The following CNTNAP4 variants were observed in gnomAD, a reference collection of about 807,000 sequenced individuals.
CNTNAP4 encodes the protein contactin-associated protein-like 4.
Under a neutral mutation model 148.4 loss-of-function variants are expected in CNTNAP4, and 98 were observed. The ratio of observed to expected loss-of-function variants is 0.66; its 90% CI spans 0.56 to 0.78. The LOEUF is 0.78. Ranked by LOEUF, CNTNAP4 falls within the 30% of genes least tolerant of loss-of-function variation. The probability of loss-of-function intolerance (pLI) is 0.00; values close to 1 mark genes in which losing one functional copy is unlikely to be tolerated. For synonymous variants in CNTNAP4, 730 were observed against 565.1 expected, an observed-to-expected ratio of 1.29 and a Z score of -4.14; for missense variants, 1,935 against 1,565.6, an observed-to-expected ratio of 1.24 and a Z score of -3.98.
intron 1 of CNTNAP4, among the ~76,000 whole-genome samples, chr16:76,299,769 G>C (rs950348356): frequency 2.0e-5 from 3 of 152,136 alleles, no homozygotes; most frequent in African/African-American, 7.2e-5. Context: ...TGATAGACTG[G>C]ATTAAGAAAA....
chr16:76,453,547 G>T (rs2080603385), intron 8 of CNTNAP4, among the ~76,000 whole-genome samples: 1 of 152,020 alleles, frequency 6.6e-6, no homozygotes, highest in Non-Finnish European at 1.5e-5. Context: ...GCAACTAGAG[G>T]TTGCCTTGGG....
chr16:76,455,537 C>T (rs1399069290), intron 8 of CNTNAP4, among the ~76,000 whole-genome samples: 2 of 152,168 alleles, frequency 1.3e-5, no homozygotes, highest in Non-Finnish European at 2.9e-5. Context: ...GGGCTGTAAA[C>T]CTGTCACCCT....
At chr16:76,549,824 T>C (rs986568830) in intron 21 of CNTNAP4, among the ~76,000 whole-genome samples, 1 of 152,102 alleles carries the variant, frequency 6.6e-6, no homozygotes, top group African/African-American at 2.4e-5. Flanking sequence ...ATTTAGAGAA[T>C]ATATAGAGGA....
At chr16:76,424,405 TCTAAGATC>T (rs2079303894) in intron 3 of CNTNAP4, among the ~76,000 whole-genome samples, 1 of 152,114 alleles carries the variant, frequency 6.6e-6, no homozygotes, top group Non-Finnish European at 1.5e-5. Flanking sequence ...TATAAGAAGA[TCTAAGATC>T]CTCAACCAAA....
rs35407854 is a variant in CNTNAP4, at chr16:76,550,875, G to T, written c.3443-2408G>T. Among the ~76,000 whole-genome samples, 772 of 152,172 alleles carry T rather than the reference G, an allele frequency of 5.1e-3. 5 individuals carry two copies. Among genetic ancestry groups the T allele is most frequent in the Non-Finnish European group, 7.0e-3 (473 of 68,004 alleles). ...TTATGTTTGAGGAGCTCACAGTATC[G>T]TATGTAAGCAGCAGAGTGATGCTCC... On this transcript the variant is annotated intron_variant, in intron 21 of 23. Transcript: ENST00000611870.
At chr16:76,298,617 G>C (rs140644059) in intron 1 of CNTNAP4, among the ~76,000 whole-genome samples, 103 of 150,882 alleles carry the variant, frequency 6.8e-4, no homozygotes, top group Middle Eastern at 3.4e-3. Flanking sequence ...TGAAATGAAA[G>C]CAGAAAGCCA....
intron 2 of CNTNAP4, among the ~76,000 whole-genome samples, chr16:76,325,530 A>G (rs1385230092): frequency 6.6e-6 from 1 of 152,208 alleles, no homozygotes; most frequent in Non-Finnish European, 1.5e-5. Context: ...AAGGCGTGGA[A>G]TTTAATACAT....
intron 15 of CNTNAP4, among the ~76,000 whole-genome samples, chr16:76,500,822 A>C (rs1326426361): frequency 6.6e-6 from 1 of 151,976 alleles, no homozygotes; most frequent in African/African-American, 2.4e-5. Flanking sequence ...GAGCATATGT[A>C]TTCATTTATA....
At position 76,553,314 on chromosome 16, in the gene CNTNAP4, G is replaced by T; in HGVS notation, c.3474G>T (p.Leu1158=). 1 of 1,612,068 alleles carries T rather than the reference G, an allele frequency of 6.2e-7. No homozygotes were observed. Among genetic ancestry groups the T allele is most frequent in the Non-Finnish European group, 8.5e-7 (1 of 1,178,644 alleles). ...GTGATGTGGACCAGGATACTGCACT[G>T]GCAGGTGCGCAGGGCTTCACAGGCT... The part of the protein sequence containing the change: ...EHSDVDQDTA[L]AGAQGFTGCL... Residue 1158 remains leucine (L), a synonymous_variant, in exon 22 of 24, where the codon CTG becomes CTT. Coordinates refer to ENST00000611870, the MANE Select transcript of CNTNAP4 (RefSeq NM_033401.5).
intron 3 of CNTNAP4, among the ~76,000 whole-genome samples, chr16:76,415,088 C>T (rs8051880): frequency 0.35 from 52,684 of 150,606 alleles, 10,830 homozygotes; most frequent in Non-Finnish European, 0.44. Context: ...TTCCAAAATT[C>T]GGGATAAACA....
At chr16:76,446,545 AAG>A (rs2080253737) in intron 4 of CNTNAP4, among the ~76,000 whole-genome samples, 1 of 152,314 alleles carries the variant, frequency 6.6e-6, no homozygotes, top group Admixed American at 6.5e-5. Flanking sequence ...TGAAATGAGT[AAG>A]AGTGATTTTG....
chr16:76,439,115 C>A (rs565914927), intron 4 of CNTNAP4, among the ~76,000 whole-genome samples: 7 of 152,084 alleles, frequency 4.6e-5, no homozygotes, highest in Non-Finnish European at 1.0e-4. Context: ...GATGGAGCAT[C>A]CTTGAGGCCA....
At chr16:76,347,975 TG>T (rs1965049177) in intron 2 of CNTNAP4, among the ~76,000 whole-genome samples, 1 of 152,110 alleles carries the variant, frequency 6.6e-6, no homozygotes, top group South Asian at 2.1e-4. Context: ...ACACCTGTTG[TG>T]TAGAGAATAG....
chr16:76,531,141 C>T (rs1046706030), intron 17 of CNTNAP4, among the ~76,000 whole-genome samples: 1 of 152,124 alleles, frequency 6.6e-6, no homozygotes, highest in African/African-American at 2.4e-5. Flanking sequence ...TGTAAGGCCC[C>T]TGGGTGAGTG....
chr16:76,325,915 C>G (rs991647675), intron 2 of CNTNAP4, among the ~76,000 whole-genome samples: 3 of 151,864 alleles, frequency 2.0e-5, no homozygotes, highest in Admixed American at 6.6e-5. Flanking sequence ...ACCTGCAAAA[C>G]TGCACTCAAT....
intron 3 of CNTNAP4, among the ~76,000 whole-genome samples, chr16:76,364,394 C>T (rs2013852146): frequency 6.6e-6 from 1 of 152,026 alleles, no homozygotes; most frequent in Non-Finnish European, 1.5e-5. Context: ...AAGAGAGGGA[C>T]TAGAGTTAAC....
intron 3 of CNTNAP4, among the ~76,000 whole-genome samples, chr16:76,421,786 C>T (rs1050715989): frequency 1.3e-5 from 2 of 152,110 alleles, no homozygotes; most frequent in African/African-American, 4.8e-5. Flanking sequence ...TTATTAATGA[C>T]AAGGGGATTT....
At chr16:76,370,696 C>A (rs990846786) in intron 3 of CNTNAP4, among the ~76,000 whole-genome samples, 1 of 152,170 alleles carries the variant, frequency 6.6e-6, no homozygotes, top group Non-Finnish European at 1.5e-5. Flanking sequence ...TTACTAACGA[C>A]AAATTGCCTC....
intron 21 of CNTNAP4, among the ~76,000 whole-genome samples, chr16:76,541,994 A>T (rs926384173): frequency 6.6e-6 from 1 of 152,204 alleles, no homozygotes; most frequent in Non-Finnish European, 1.5e-5. Flanking sequence ...AAGAATATGT[A>T]TATAGCCAAT....
Sources: gnomAD v4.1 joint callset for allele counts (sites outside exome capture counted in the v4.1 genomes callset) on GRCh38, gnomAD v4.1.1 for gene constraint, MANE v1.5 for transcripts, NCBI Gene and HGNC (gene_info 2026-07-23, HGNC 2026-07-21) for gene names.